The following CNST variants were observed in gnomAD, a reference collection of about 807,000 sequenced individuals.
CNST encodes the protein consortin.
Under a neutral mutation model 72.4 loss-of-function variants are expected in CNST, and 39 were observed. The observed-to-expected ratio is 0.54, with a 90% CI of 0.42 to 0.70. CNST has a LOEUF of 0.70. Among genes scored for constraint, CNST ranks in the 30% least tolerant of loss-of-function variants. The probability of loss-of-function intolerance (pLI) is 0.00; values close to 1 mark genes in which losing one functional copy is unlikely to be tolerated. For missense variants in CNST, 871 were observed against 868.5 expected (o/e 1.00, Z -0.04); for synonymous variants, 332 against 320.1 (o/e 1.04, Z -0.40).
intron 9 of CNST, among the ~76,000 whole-genome samples, chr1:246,659,754 T>A (rs879521095): frequency 3.3e-5 from 5 of 152,232 alleles, no homozygotes; most frequent in Non-Finnish European, 7.3e-5. Flanking sequence ...AAATATATTT[T>A]AAGCTTCATA....
At chr1:246,632,321 G>A in intron 4 of CNST, 1 of 293,416 alleles carries the variant, frequency 3.4e-6, no homozygotes, top group Non-Finnish European at 6.6e-6. Context: ...CACAGACTTG[G>A]GACCCGGGAC....
intron 9 of CNST, among the ~76,000 whole-genome samples, chr1:246,649,886 T>G (rs1666355699): frequency 6.6e-6 from 1 of 150,904 alleles, no homozygotes; most frequent in Admixed American, 6.7e-5. Context: ...AACCTTTATC[T>G]TCAACCTCCT....
At chr1:246,653,444 T>G (rs1322718273) in intron 9 of CNST, among the ~76,000 whole-genome samples, 1 of 152,210 alleles carries the variant, frequency 6.6e-6, no homozygotes, top group Non-Finnish European at 1.5e-5. Context: ...CAATCATGGT[T>G]GTTCTGCCCA....
intron 5 of CNST, 107 bp downstream of exon 5, chr1:246,634,117 T>C (rs2103101470): frequency 1.3e-6 from 1 of 749,812 alleles, no homozygotes; most frequent in African/African-American, 1.7e-5. Flanking sequence ...AATAGATGTT[T>C]CCATAAACAA....
intron 9 of CNST, among the ~76,000 whole-genome samples, chr1:246,658,319 T>C (rs1022786121): frequency 6.6e-6 from 1 of 152,232 alleles, no homozygotes; most frequent in Non-Finnish European, 1.5e-5. Context: ...TTCTCTGTTG[T>C]GTGAGGGAGT....
chr1:246,588,924 T>C (rs1362430233), intron 1 of CNST, among the ~76,000 whole-genome samples: 1 of 152,074 alleles, frequency 6.6e-6, no homozygotes, highest in African/African-American at 2.4e-5. Flanking sequence ...TTGATGTCCA[T>C]TTAAAAATTT....
At chr1:246,607,830 C>T (rs1662997066) in intron 2 of CNST, 1 of 152,320 alleles carries the variant, frequency 6.6e-6, no homozygotes, top group Non-Finnish European at 1.5e-5. Flanking sequence ...CGCTTACAAT[C>T]CCAGCACTTT....
At chr1:246,583,997 AGGGATGGT>A (rs1388414180) in intron 1 of CNST, among the ~76,000 whole-genome samples, 2 of 149,210 alleles carry the variant, frequency 1.3e-5, no homozygotes, top group Non-Finnish European at 3.0e-5. Context: ...GCTGGAGTGA[AGGGATGGT>A]CATAGCTCAC....
chr1:246,635,265 C>G (rs1665124547), intron 6 of CNST, among the ~76,000 whole-genome samples: 1 of 151,596 alleles, frequency 6.6e-6, no homozygotes, highest in Admixed American at 6.6e-5. Flanking sequence ...TCCATCGTGT[C>G]GTTGTAGCAG....
At chr1:246,618,444 G>A (rs1455716598) in intron 2 of CNST, among the ~76,000 whole-genome samples, 1 of 152,196 alleles carries the variant, frequency 6.6e-6, no homozygotes, top group Non-Finnish European at 1.5e-5. Flanking sequence ...TGAAGCTCAT[G>A]TTGTTTAAGG....
intron 6 of CNST, among the ~76,000 whole-genome samples, chr1:246,641,431 T>A (rs12728813): frequency 0.014 from 2,126 of 152,358 alleles, 23 homozygotes; most frequent in South Asian, 0.028. Flanking sequence ...CTGAAATTTT[T>A]AAAATATGTG....
intron 1 of CNST, among the ~76,000 whole-genome samples, chr1:246,582,702 AG>A (rs1185424893): frequency 6.6e-6 from 1 of 152,138 alleles, no homozygotes; most frequent in Non-Finnish European, 1.5e-5. Context: ...CTTATTCCAA[AG>A]TCTAACTATT....
At chr1:246,622,797 C>T (rs1664177074) in intron 3 of CNST, among the ~76,000 whole-genome samples, 1 of 151,868 alleles carries the variant, frequency 6.6e-6, no homozygotes, top group Non-Finnish European at 1.5e-5. Context: ...ATTTGAGCTG[C>T]ATCTTATTTT....
intron 3 of CNST, among the ~76,000 whole-genome samples, chr1:246,626,645 C>A (rs1664458806): frequency 6.6e-6 from 1 of 151,668 alleles, no homozygotes; most frequent in Non-Finnish European, 1.5e-5. Context: ...TTAGCAGAGA[C>A]GGGGTTTCAT....
intron 2 of CNST, among the ~76,000 whole-genome samples, chr1:246,613,619 G>A (rs932305505): frequency 7.1e-6 from 1 of 140,626 alleles, no homozygotes; most frequent in Admixed American, 7.2e-5. Flanking sequence ...TATTTGAACT[G>A]TATGAGGCCT....
At chr1:246,568,212 G>A (rs1295349174) in intron 1 of CNST, among the ~76,000 whole-genome samples, 1 of 152,178 alleles carries the variant, frequency 6.6e-6, no homozygotes, top group Admixed American at 6.5e-5. Flanking sequence ...ATTTTAAAAT[G>A]CACTGTCTTA....
Position 246,665,764 on chromosome 1 carries a change from TG to T in CNST, c.2038del (p.Val680LeufsTer39). On this transcript the variant is annotated frameshift_variant, in exon 11 of 11. Transcript: ENST00000366513. LOFTEE classifies it high-confidence loss of function. ...LLCIATVFLS[V>X]GGTALYCTFG... ...TGTGCATAGCAACGGTTTTCCTCAG[TG>T]TTGGAGGAACTGCATTATACTGCAC... is the stretch of plus-strand genomic sequence containing the variant. 2 of 1,613,872 alleles carry T rather than the reference TG, an allele frequency of 1.2e-6. No homozygotes were observed. The highest frequency in any genetic ancestry group is 1.7e-6 in the Non-Finnish European group (2 of 1,179,970).
intron 1 of CNST, among the ~76,000 whole-genome samples, chr1:246,573,937 C>G (rs1660218043): frequency 6.6e-6 from 1 of 152,182 alleles, no homozygotes; most frequent in Non-Finnish European, 1.5e-5. Context: ...GGAAAGCTGA[C>G]AGGTCAGAAT....
intron 2 of CNST, among the ~76,000 whole-genome samples, chr1:246,614,362 A>T (rs1286123024): frequency 1.3e-5 from 2 of 152,216 alleles, no homozygotes; most frequent in African/African-American, 4.8e-5. Context: ...GCACTAAAAA[A>T]GTTTCAGGTT....
Sources: gnomAD v4.1 joint callset for allele counts (sites outside exome capture counted in the v4.1 genomes callset) on GRCh38, gnomAD v4.1.1 for gene constraint, MANE v1.5 for transcripts, NCBI Gene and HGNC (gene_info 2026-07-23, HGNC 2026-07-21) for gene names.